The following UBR3 variants were observed in gnomAD, a reference collection of about 807,000 sequenced individuals.
UBR3 encodes E3 ubiquitin-protein ligase UBR3.
A neutral mutation model predicts 243.2 loss-of-function variants in UBR3; 85 were observed. The observed-to-expected ratio is 0.35, with a 90% CI of 0.29 to 0.42. The LOEUF is 0.42. Among genes scored for constraint, UBR3 ranks in the 10% least tolerant of loss-of-function variants. The probability of loss-of-function intolerance (pLI) is 1.00; values close to 1 mark genes in which losing one functional copy is unlikely to be tolerated. For synonymous variants in UBR3, 748 were observed against 799.8 expected (o/e 0.94, Z 1.09); for missense variants, 1,686 against 2,300.8 (o/e 0.73, Z 5.47).
chr2:170,008,816 T>C lies in UBR3; in HGVS notation c.4243T>C (p.Leu1415=). 1 of 1,380,552 alleles carries C rather than the reference T, an allele frequency of 7.2e-7. No individual in the cohort carries two copies. The highest frequency in any genetic ancestry group is 1.0e-6 in the Non-Finnish European group (1 of 994,044). 85.5% of individuals were successfully genotyped at this position (1,380,552 alleles called of 1,614,324 possible). A position where few individuals can be genotyped will look rare whatever the true frequency, so the allele number is the denominator to read the frequency against. Residue 1415 remains leucine, a synonymous_variant, in exon 29 of 39, where the codon TTA becomes CTA. Transcript: ENST00000272793. ...RPGAFPSETN[L]SKEMESVMKD... ...CATTTTTTTATAGTCAGAAACAAAT[T>C]TAAGTAAAGAAATGGAATCTGTAAT...
At chr2:169,890,766 CA>C (rs1447725849) in intron 5 of UBR3, among the ~76,000 whole-genome samples, 1 of 148,954 alleles carries the variant, frequency 6.7e-6, no homozygotes, top group East Asian at 1.9e-4. Flanking sequence ...TTAGACCCTT[CA>C]AAGCCTTTCC....
intron 23 of UBR3, among the ~76,000 whole-genome samples, chr2:169,953,465 G>A (rs2087128849): frequency 1.3e-5 from 2 of 152,146 alleles, no homozygotes; most frequent in Admixed American, 6.5e-5. Context: ...ACATTAGATG[G>A]TTGTAATAAA....
intron 1 of UBR3, among the ~76,000 whole-genome samples, chr2:169,845,908 A>G (rs2082463747): frequency 6.6e-6 from 1 of 152,304 alleles, no homozygotes; most frequent in Admixed American, 6.5e-5. Flanking sequence ...TAATTCCATT[A>G]TAGTGAGATA....
At chr2:169,905,715 A>G (rs1314207053) in intron 9 of UBR3, among the ~76,000 whole-genome samples, 4 of 152,130 alleles carry the variant, frequency 2.6e-5, no homozygotes, top group Non-Finnish European at 4.4e-5. Flanking sequence ...TGTGAAATCT[A>G]TTGTCTGAGA....
At chr2:169,875,648 CAG>C in intron 2 of UBR3, 141 bp from the exon 3 acceptor site, 2 of 810,480 alleles carry the variant, frequency 2.5e-6, no homozygotes, top group Non-Finnish European at 3.5e-6. Flanking sequence ...AATTTCTAAA[CAG>C]AGTTCTTGTA....
intron 24 of UBR3, among the ~76,000 whole-genome samples, chr2:169,982,364 A>G (rs2088778046): frequency 6.6e-6 from 1 of 152,104 alleles, no homozygotes; most frequent in African/African-American, 2.4e-5. Context: ...ATTTTAGTTT[A>G]AATTAATCTA....
Position 169,949,904 on chromosome 2 carries a change from T to C in UBR3, c.3384T>C (p.His1128=), listed in dbSNP as rs764361351. 1 of 1,613,070 alleles carries C rather than the reference T, an allele frequency of 6.2e-7. No individual in the cohort carries two copies. The highest frequency in any genetic ancestry group is 1.7e-5 in the Admixed American group (1 of 59,796). The part of the protein sequence containing the change: ...LIQPEIPKYS[H]GDGITAVERI... ...AACCAGAAATTCCTAAATACAGTCA[T>C]GGAGATGGTATAACTGCCGTGGAAA... is the stretch of plus-strand genomic sequence containing the variant. The change falls in exon 23 of 39, where the codon CAT becomes CAC. Residue 1128 remains histidine (H), a synonymous_variant. Transcript: ENST00000272793.
Position 169,869,314 on chromosome 2 carries a change from C to T in UBR3, c.546-2922C>T, listed in dbSNP as rs191911303. 4.0e-5 allele frequency among the ~76,000 whole-genome samples: 6 copies of T among 149,814 alleles called. No individual in the cohort carries two copies. The East Asian group carries it at 5.9e-4, about 15-fold the overall frequency. ...TCGGCTCACTGCAACCTCTGCCTCC[C>T]GGTTTCAAGTGATTCTCCTGCCTCA... On this transcript the variant is annotated intron_variant, in intron 1 of 38. Coordinates refer to ENST00000272793, the MANE Select transcript of UBR3 (RefSeq NM_172070.4).
intron 35 of UBR3, among the ~76,000 whole-genome samples, chr2:170,067,033 T>G (rs1017634754): frequency 3.4e-5 from 5 of 145,982 alleles, no homozygotes; most frequent in Non-Finnish European, 7.7e-5. Context: ...TATCCTCATT[T>G]TCCAGACAAG....
chr2:169,906,177 T>C lies in UBR3; in HGVS notation c.1779+13T>C. 6.6e-7 allele frequency: 1 copy of C among 1,526,424 alleles called. No individual in the cohort carries two copies. The highest frequency in any genetic ancestry group is 8.8e-7 in the Non-Finnish European group (1 of 1,139,500). 94.6% of individuals were successfully genotyped at this position (1,526,424 alleles called of 1,614,324 possible). A position where few individuals can be genotyped will look rare whatever the true frequency, so the allele number is the denominator to read the frequency against. On this transcript the variant is annotated intron_variant, in intron 10 of 38. Coordinates refer to ENST00000272793, the MANE Select transcript of UBR3 (RefSeq NM_172070.4). ...TTGTAAAGTTAGGGTATGTTGGAAA[T>C]ATTTTTGTTAATTTCTGTGTTTAAG...
chr2:169,890,575 A>G (rs1250527747), intron 5 of UBR3, among the ~76,000 whole-genome samples: 1 of 120,148 alleles, frequency 8.3e-6, no homozygotes, highest in African/African-American at 3.2e-5. Context: ...GTGTATATAT[A>G]TATATGTATA....
intron 24 of UBR3, among the ~76,000 whole-genome samples, chr2:169,985,317 C>T (rs758125661): frequency 1.3e-5 from 2 of 150,358 alleles, no homozygotes; most frequent in Admixed American, 6.7e-5. Context: ...CAACCTCTGC[C>T]TCCTGGGTTC....
In UBR3 at chr2:170,001,309, A is replaced by G. The variant is rs978952872; in HGVS notation, c.3924A>G (p.Ser1308=). The change falls in exon 27 of 39, where the codon TCA becomes TCG. Residue 1308 remains serine, a synonymous_variant. Coordinates refer to ENST00000272793, the MANE Select transcript of UBR3 (RefSeq NM_172070.4). ...SLLQRYFKDS[S]CLLAVSIGWE... ...GTCTTCTTTTTATTTTGAAGAGTTC[A>G]TGTCTCTTGGCAGTATCAATTGGCT... 2 of 1,608,316 alleles carry G rather than the reference A, an allele frequency of 1.2e-6. No individual in the cohort carries two copies. Among genetic ancestry groups the G allele is most frequent in the Middle Eastern group, 1.7e-4 (1 of 6,022 alleles).
At chr2:169,839,056 G>A (rs72881268) in intron 1 of UBR3, among the ~76,000 whole-genome samples, 30,963 of 152,140 alleles carry the variant, frequency 0.2, 3,674 homozygotes, top group African/African-American at 0.32. Context: ...ATATGGAAAA[G>A]AGACCTGAAG....
chr2:170,017,458 G>A (rs547365595), intron 30 of UBR3, among the ~76,000 whole-genome samples: 2 of 151,444 alleles, frequency 1.3e-5, no homozygotes, highest in South Asian at 4.2e-4. Context: ...AATTTGTCTA[G>A]TCAAGAAAAC....
At chr2:169,873,462 A>G (rs986865673) in intron 2 of UBR3, among the ~76,000 whole-genome samples, 1 of 152,154 alleles carries the variant, frequency 6.6e-6, no homozygotes, top group Admixed American at 6.5e-5. Context: ...GCTTGAAGCC[A>G]GGAGTTCAAG....
intron 11 of UBR3, among the ~76,000 whole-genome samples, chr2:169,918,079 G>C (rs2085533505): frequency 6.6e-6 from 1 of 152,126 alleles, no homozygotes; most frequent in African/African-American, 2.4e-5. Flanking sequence ...GAGATGCAGA[G>C]ATATTAAATG....
intron 10 of UBR3, among the ~76,000 whole-genome samples, chr2:169,908,856 C>G (rs1307331711): frequency 7.4e-6 from 1 of 135,682 alleles, no homozygotes; most frequent in Non-Finnish European, 1.5e-5. Context: ...CGTAGTCTTG[C>G]TCTGTCACCC....
intron 1 of UBR3, among the ~76,000 whole-genome samples, chr2:169,830,956 T>G (rs950279583): frequency 6.6e-6 from 1 of 151,352 alleles, no homozygotes; most frequent in East Asian, 1.9e-4. Context: ...ACCAGAAATA[T>G]GTCAGTGAGT....
Sources: gnomAD v4.1 joint callset for allele counts (sites outside exome capture counted in the v4.1 genomes callset) on GRCh38, gnomAD v4.1.1 for gene constraint, MANE v1.5 for transcripts, NCBI Gene and HGNC (gene_info 2026-07-23, HGNC 2026-07-21) for gene names.